The following CCM2 variants were observed in gnomAD, a reference collection of about 807,000 sequenced individuals.
CCM2 encodes CCM2 scaffold protein.
Under a neutral mutation model 44.9 loss-of-function variants are expected in CCM2, and 25 were observed. The ratio of observed to expected loss-of-function variants is 0.56; its 90% CI spans 0.41 to 0.78. The LOEUF is 0.78. CCM2 is among the 30% of genes least tolerant of loss of function. The pLI, the probability that CCM2 is intolerant of heterozygous loss-of-function variation, is 0.00. For missense variants in CCM2, 481 were observed against 580.6 expected (o/e 0.83, Z 1.76); for synonymous variants, 219 against 241.1 (o/e 0.91, Z 0.85).
At chr7:45,019,133 G>A (rs924853527) in intron 1 of CCM2, among the ~76,000 whole-genome samples, 2 of 146,452 alleles carry the variant, frequency 1.4e-5, no homozygotes, top group Non-Finnish European at 3.0e-5. Context: ...GCGTGATCTC[G>A]GCTCACTGCA....
intron 2 of CCM2, among the ~76,000 whole-genome samples, chr7:45,060,598 A>C (rs1798473993): frequency 6.6e-6 from 1 of 152,120 alleles, no homozygotes; most frequent in South Asian, 2.1e-4. Context: ...TAACTGTCCC[A>C]CAGTTCTTGC....
intron 1 of CCM2, among the ~76,000 whole-genome samples, chr7:45,000,824 C>T (rs985055122): frequency 1.3e-5 from 2 of 152,148 alleles, no homozygotes; most frequent in African/African-American, 2.4e-5. Flanking sequence ...AGACCTAAAA[C>T]CATTGATTGA....
At chr7:45,053,647 C>T (rs970300390) in intron 2 of CCM2, among the ~76,000 whole-genome samples, 2 of 152,154 alleles carry the variant, frequency 1.3e-5, no homozygotes, top group Non-Finnish European at 2.9e-5. Context: ...GGTCTTATTA[C>T]CCCCTTGCTC....
At chr7:45,020,161 A>G (rs946193772) in intron 1 of CCM2, among the ~76,000 whole-genome samples, 56 of 152,218 alleles carry the variant, frequency 3.7e-4, no homozygotes, top group African/African-American at 1.2e-3. Flanking sequence ...GAGTAAAGCA[A>G]TATAAAAGTG....
chr7:45,070,239 G>A, intron 6 of CCM2: 1 of 480,396 alleles, frequency 2.1e-6, no homozygotes, highest in South Asian at 2.1e-5. Flanking sequence ...TGTGGCTAAA[G>A]TCACTTCACT....
At chr7:45,017,974 C>T (rs574793825) in intron 1 of CCM2, among the ~76,000 whole-genome samples, 3 of 152,322 alleles carry the variant, frequency 2.0e-5, no homozygotes, top group African/African-American at 7.2e-5. Context: ...TTTACAGCAG[C>T]AGTCCCCAAC....
At chr7:45,048,546 C>G (rs1410436248) in intron 2 of CCM2, among the ~76,000 whole-genome samples, 1 of 152,168 alleles carries the variant, frequency 6.6e-6, no homozygotes, top group Admixed American at 6.5e-5. Context: ...AGGCGGATCA[C>G]GAGGTCAAGA....
chr7:45,002,063 A>G (rs1795659323), intron 1 of CCM2, among the ~76,000 whole-genome samples: 1 of 152,228 alleles, frequency 6.6e-6, no homozygotes, highest in South Asian at 2.1e-4. Context: ...GTACTCTGCC[A>G]GTTGCAAGCT....
chr7:45,065,453 G>A (rs1343199539), intron 4 of CCM2, among the ~76,000 whole-genome samples: 1 of 152,224 alleles, frequency 6.6e-6, no homozygotes, highest in Non-Finnish European at 1.5e-5. Context: ...CAGTGGCAGG[G>A]TGTGAAGGGG....
chr7:45,019,040 G>A (rs1395843514), intron 1 of CCM2, among the ~76,000 whole-genome samples: 3 of 149,098 alleles, frequency 2.0e-5, no homozygotes, highest in Non-Finnish European at 4.4e-5. Context: ...GATTATAGGC[G>A]TGAGCCACTG....
chr7:45,012,655 A>G (rs563667378), intron 1 of CCM2, among the ~76,000 whole-genome samples: 24 of 151,966 alleles, frequency 1.6e-4, no homozygotes, highest in South Asian at 6.2e-4. Flanking sequence ...TCCTGGGCTC[A>G]AGTGATCTTC....
intron 2 of CCM2, among the ~76,000 whole-genome samples, chr7:45,050,704 T>G (rs949505300): frequency 1.3e-5 from 2 of 152,344 alleles, no homozygotes; most frequent in Non-Finnish European, 2.9e-5. Context: ...GGTTATTGCT[T>G]CTTTTCTTAT....
intron 1 of CCM2, among the ~76,000 whole-genome samples, chr7:45,015,053 C>T (rs1005440645): frequency 6.6e-6 from 1 of 152,160 alleles, no homozygotes; most frequent in Non-Finnish European, 1.5e-5. Flanking sequence ...GATGTTTCAG[C>T]TAATCTTGTT....
chr7:45,002,248 G>T (rs567029410), intron 1 of CCM2, among the ~76,000 whole-genome samples: 2 of 152,320 alleles, frequency 1.3e-5, no homozygotes, highest in South Asian at 4.1e-4. Flanking sequence ...CAGTTTGGAC[G>T]CTTAAATTCT....
At chr7:45,059,519 C>T (rs1447150298) in intron 2 of CCM2, among the ~76,000 whole-genome samples, 3 of 151,894 alleles carry the variant, frequency 2.0e-5, no homozygotes, top group African/African-American at 4.8e-5. Context: ...CCGAGGCGGG[C>T]GGATTGATTG....
chr7:45,026,651 G>A (rs1470938419), intron 1 of CCM2, among the ~76,000 whole-genome samples: 1 of 135,702 alleles, frequency 7.4e-6, no homozygotes, highest in Non-Finnish European at 1.5e-5. Flanking sequence ...TACCCAGGCT[G>A]GAGTGCAATG....
chr7:45,027,456 C>T (rs1220854924), intron 1 of CCM2: 12 of 588,722 alleles, frequency 2.0e-5, no homozygotes, highest in African/African-American at 7.5e-5. Context: ...TTGTGGGGTT[C>T]GCGTGCTGTG....
chr7:45,006,851 T>C (rs1405290401), intron 1 of CCM2, among the ~76,000 whole-genome samples: 1 of 152,198 alleles, frequency 6.6e-6, no homozygotes, highest in Admixed American at 6.5e-5. Context: ...TCTTGGACTT[T>C]CAGCATCTAG....
chr7:45,070,380 T>G, intron 6 of CCM2: 1 of 436,458 alleles, frequency 2.3e-6, no homozygotes, highest in Non-Finnish European at 4.6e-6. Flanking sequence ...AATGTGAAAC[T>G]CCTTCCAGGA....
Sources: gnomAD v4.1 joint callset for allele counts (sites outside exome capture counted in the v4.1 genomes callset) on GRCh38, gnomAD v4.1.1 for gene constraint, MANE v1.5 for transcripts, NCBI Gene and HGNC (gene_info 2026-07-23, HGNC 2026-07-21) for gene names.